ARHGDIA: variants seen among roughly 807,000 people sequenced by gnomAD.
ARHGDIA encodes the protein rho GDP-dissociation inhibitor 1.
ARHGDIA carries 9 observed loss-of-function variants against 25.0 expected under a neutral mutation model. The observed-to-expected ratio is 0.36, with a 90% CI of 0.22 to 0.63. ARHGDIA has a LOEUF of 0.63. Ranked by LOEUF, ARHGDIA falls within the 20% of genes least tolerant of loss-of-function variation. ARHGDIA has a pLI of 0.69. For missense variants in ARHGDIA, 239 were observed against 264.3 expected, an observed-to-expected ratio of 0.90 and a Z score of 0.66; for synonymous variants, 166 against 111.5, an observed-to-expected ratio of 1.49 and a Z score of -3.08.
intron 1 of ARHGDIA, chr17:81,870,948 C>T (rs1256320726): frequency 6.6e-6 from 1 of 151,164 alleles, no homozygotes; most frequent in African/African-American, 2.4e-5. Context: ...AAGGAGGGGC[C>T]CTCAGGTCTG....
At chr17:81,870,773 G>C (rs1269046566) in intron 1 of ARHGDIA, 1 of 152,070 alleles carries the variant, frequency 6.6e-6, no homozygotes, top group Non-Finnish European at 1.5e-5. Flanking sequence ...CGCCGCGCGA[G>C]GATAGCCGTA....
Position 81,869,410 on chromosome 17 carries a change from T to G in ARHGDIA, c.275-4A>C, listed in dbSNP as rs1350208898. 1 of 1,613,566 alleles carries G rather than the reference T, an allele frequency of 6.2e-7. No homozygotes were observed. Among genetic ancestry groups the G allele is most frequent in the African/African-American group, 1.3e-5 (1 of 74,850 alleles). The stretch of plus-strand genomic sequence containing the variant: ...TTCTTGAAGCTCTCCAGGTCGCCTG[T>G]TGGGGGGACCTCCCCCTCAATGACT... On this transcript the variant is annotated splice_polypyrimidine_tract_variant and splice_region_variant and intron_variant, in intron 3 of 5. Coordinates refer to ENST00000269321, the MANE Select transcript of ARHGDIA (RefSeq NM_004309.6).
rs768880419 is a variant in ARHGDIA, at chr17:81,869,350, G to A, written c.331C>T (p.Arg111Trp). The change falls in exon 4 of 6, where the codon CGG becomes TGG. Residue 111 changes from arginine (R) to tryptophan (W), a missense_variant. This residue lies in a region of ARHGDIA where 75 missense variants were observed against 122.4 expected (regional missense o/e 0.61). Transcript: ENST00000269321. ...CTTACCCGGAAAGAGATTTTTATCC[G>A]GTACTCCACACCCTCCTTCAGCACA... ...SFVLKEGVEY[R>W]IKISFRVNRE... is the part of the protein sequence containing the mutation. 1.9e-6 allele frequency: 3 copies of A among 1,613,944 alleles called. No individual in the cohort carries two copies. Among genetic ancestry groups the A allele is most frequent in the Admixed American group, 1.7e-5 (1 of 60,000 alleles).
Position 81,869,750 on chromosome 17 carries a change from C to G in ARHGDIA, c.181G>C (p.Val61Leu). 6.2e-7 allele frequency: 1 copy of G among 1,612,918 alleles called. No individual in the cohort carries two copies. The highest frequency in any genetic ancestry group is 8.5e-7 in the Non-Finnish European group (1 of 1,179,598). Reference protein sequence around the residue: ...YKEALLGRVAVSADPNVPNVV... With the variant: ...YKEALLGRVALSADPNVPNVV... ...CGCAGCCCAGACTCACCTGCGGAAA[C>G]GGCCACGCGGCCCAGCAGGGCCTCC... Residue 61 changes from valine to leucine, a missense_variant, in exon 2 of 6, where the codon GTT (valine) becomes CTT (leucine). This residue lies in a region of ARHGDIA where 135 missense variants were observed against 119.8 expected (regional missense o/e 1.13). Coordinates refer to ENST00000269321, the MANE Select transcript of ARHGDIA (RefSeq NM_004309.6).
At position 81,868,325 on chromosome 17, in the gene ARHGDIA, G is replaced by T. The variant is rs902913406; in HGVS notation, c.*551C>A. The T allele has an allele frequency of 1.2e-5, 17 of 1,420,360 alleles. No individual in the cohort carries two copies. The highest frequency in any genetic ancestry group is 1.5e-5 in the Non-Finnish European group (16 of 1,087,672). The allele number at this position is 1,420,360 out of a possible 1,614,324, so 88.0% of individuals were successfully genotyped here. ...GGCCACATGCTCATGCAGACACAGGGAGTTAGAGGCTAGTGAGGCCCCACG... is the reference window on the plus strand; with the variant it reads ...GGCCACATGCTCATGCAGACACAGGTAGTTAGAGGCTAGTGAGGCCCCACG... On this transcript the variant is annotated 3_prime_UTR_variant, in exon 6 of 6. Coordinates refer to ENST00000269321, the MANE Select transcript of ARHGDIA (RefSeq NM_004309.6).
rs765671689 is a variant in ARHGDIA at position 81,869,962 on chromosome 17, G to A, written c.-27-5C>T. 1 of 1,607,994 alleles carries A rather than the reference G, an allele frequency of 6.2e-7. No individual in the cohort carries two copies. The highest frequency in any genetic ancestry group is 1.1e-5 in the South Asian group (1 of 90,958). On this transcript the variant is annotated splice_region_variant and splice_polypyrimidine_tract_variant and intron_variant, in intron 1 of 5. Transcript: ENST00000269321. ...GCTTAGCCTGGGTCGGGACACCTGT[G>A]GGCGGGACGGTGACAGGCCTTGGAC...
At chr17:81,870,898 G>A (rs2039276883) in intron 1 of ARHGDIA, 1 of 151,516 alleles carries the variant, frequency 6.6e-6, no homozygotes, top group Non-Finnish European at 1.5e-5. Flanking sequence ...CCCCGAACGC[G>A]ATGGACCGCG....
Position 81,869,802 on chromosome 17 carries a change from C to T in ARHGDIA, c.129G>A (p.Lys43=). ...TGTACTTTCGCAGGCTCTCGTCGTC[C>T]TTGTCCAGCTCCTGGATCTCCTGGA... ...KSIQEIQELD[K]DDESLRKYKE... Residue 43 remains lysine, a synonymous_variant, in exon 2 of 6, where the codon AAG becomes AAA. Coordinates refer to ENST00000269321, the MANE Select transcript of ARHGDIA (RefSeq NM_004309.6). The T allele has an allele frequency of 6.2e-7, 1 of 1,614,128 alleles. No individual in the cohort carries two copies. Among genetic ancestry groups the T allele is most frequent in the South Asian group, 1.1e-5 (1 of 91,088 alleles).
Position 81,868,726 on chromosome 17 carries a change from C to G in ARHGDIA, c.*150G>C, listed in dbSNP as rs762490731. On this transcript the variant is annotated 3_prime_UTR_variant, in exon 6 of 6. Transcript: ENST00000269321. Reference sequence around the variant, plus strand: ...GCTGAGGAGGGGGGTCGGAGGCACTCGGTTGAGCCAGGCCAGGGAGGCGGA... The same window carrying G: ...GCTGAGGAGGGGGGTCGGAGGCACTGGGTTGAGCCAGGCCAGGGAGGCGGA... The G allele has an allele frequency of 5.0e-6, 7 of 1,391,750 alleles. No individual in the cohort carries two copies. The highest frequency in any genetic ancestry group is 2.2e-5 in the Admixed American group (1 of 44,752). The allele number at this position is 1,391,750 out of a possible 1,614,324, so 86.2% of individuals were successfully genotyped here.
rs1784206146 is a variant in ARHGDIA, at chr17:81,868,606, G to A, written c.*270C>T. On this transcript the variant is annotated 3_prime_UTR_variant, in exon 6 of 6. Coordinates refer to ENST00000269321, the MANE Select transcript of ARHGDIA (RefSeq NM_004309.6). ...GAACCTGGGGGGCACAGAAAGGGCA[G>A]CAGAGGCCTGGCTGCGGCCTCTCTC... The A allele has an allele frequency of 1.3e-6, 2 of 1,535,430 alleles. No individual in the cohort carries two copies. The highest frequency in any genetic ancestry group is 2.4e-5 in the East Asian group (1 of 40,908).
chr17:81,868,929 C>T lies in ARHGDIA; in HGVS notation c.562G>A (p.Asp188Asn). 2 of 1,613,686 alleles carry T rather than the reference C, an allele frequency of 1.2e-6. No homozygotes were observed. ...KSRFTDDDKTDHLSWEWNLTI... is the reference protein window; with the variant it reads ...KSRFTDDDKTNHLSWEWNLTI... ...AGATTCCACTCCCAGGACAGGTGGT[C>T]GGTCTTGTCGTCGTCTGTGAAGCGG... Residue 188 changes from aspartate (D) to asparagine (N), a missense_variant, in exon 6 of 6, where the codon GAC becomes AAC. Asp to Asn is a conservative substitution (Grantham distance 23). Around this residue, in one of 3 missense-constraint regions of ARHGDIA, gnomAD observed 29 missense variants for 22.0 expected, o/e 1.32. Transcript: ENST00000269321.
At position 81,868,198 on chromosome 17, in the gene ARHGDIA, G is replaced by A. The variant is rs774786158; in HGVS notation, c.*678C>T. The A allele has an allele frequency of 4.3e-6, 3 of 696,648 alleles. No individual in the cohort carries two copies. Among genetic ancestry groups the A allele is most frequent in the Non-Finnish European group, 2.2e-6 (1 of 447,786 alleles). 43.2% of individuals were successfully genotyped at this position (696,648 alleles called of 1,614,324 possible). A position where few individuals can be genotyped will look rare whatever the true frequency, so the allele number is the denominator to read the frequency against. On this transcript the variant is annotated 3_prime_UTR_variant, in exon 6 of 6. Transcript: ENST00000269321. ...AGCCATCTCCACAGCCCTGTCCAGG[G>A]AAGGGGGCAGGCTGGCCAGGCACTG... is the stretch of plus-strand genomic sequence containing the variant.
intron 3 of ARHGDIA, 49 bp from the exon 4 acceptor site, chr17:81,869,455 A>AGCCCCAGCCCTGCGCG (rs2039198345): frequency 6.2e-7 from 1 of 1,612,044 alleles, no homozygotes; most frequent in Non-Finnish European, 8.5e-7. Context: ...CCCTGCGCGA[A>AGCCCCAGCCCTGCGCG]GCCCCAGCCC....
chr17:81,868,844 CGTCA>C lies in ARHGDIA; in HGVS notation c.*28_*31del, dbSNP rs768213538. 99 of 1,613,016 alleles carry C rather than the reference CGTCA, an allele frequency of 6.1e-5. No individual in the cohort carries two copies. In the African/African-American group the frequency reaches 7.1e-4, roughly 12 times the overall value. On this transcript the variant is annotated 3_prime_UTR_variant, in exon 6 of 6. Transcript: ENST00000269321. Reference sequence around the variant, plus strand: ...CACATCCGCCTGTCCGTCGTCCGTCCGTCAGTCTGCCCTGCCCGCCTCTGGCTGG... The same window carrying C: ...CACATCCGCCTGTCCGTCGTCCGTCCGTCTGCCCTGCCCGCCTCTGGCTGG...
At position 81,868,668 on chromosome 17, in the gene ARHGDIA, G is replaced by A. The variant is rs774369485; in HGVS notation, c.*208C>T. 4 of 1,534,914 alleles carry A rather than the reference G, an allele frequency of 2.6e-6. No homozygotes were observed. The highest frequency in any genetic ancestry group is 1.4e-5 in the African/African-American group (1 of 73,140). On this transcript the variant is annotated 3_prime_UTR_variant, in exon 6 of 6. Coordinates refer to ENST00000269321, the MANE Select transcript of ARHGDIA (RefSeq NM_004309.6). ...AGGCAGAAGCAGCAACGAGACAGGA[G>A]ACCGAGGAGGCTGGGCCTGTGGGTG...
At chr17:81,869,517 A>AC (rs2143426382) in intron 3 of ARHGDIA, 25 bp downstream of exon 3, 1 of 1,603,174 alleles carries the variant, frequency 6.2e-7, no homozygotes, top group East Asian at 2.2e-5. Context: ...GGCCGCCCGG[A>AC]CCCCCGCGGC....
chr17:81,867,943 G>A lies in ARHGDIA; in HGVS notation c.*933C>T, dbSNP rs1392054010. 1 of 161,486 alleles carries A rather than the reference G, an allele frequency of 6.2e-6. No individual in the cohort carries two copies. 10.0% of individuals were successfully genotyped at this position (161,486 alleles called of 1,614,324 possible). The stretch of plus-strand genomic sequence containing the variant: ...GCCTGGGGGAACAGGCGCCAGGCCA[G>A]TGGCCCAGGGACGGCACGGACGGAG... On this transcript the variant is annotated 3_prime_UTR_variant, in exon 6 of 6. Transcript: ENST00000269321.
chr17:81,868,294 C>T lies in ARHGDIA; in HGVS notation c.*582G>A, dbSNP rs1345671418. The stretch of plus-strand genomic sequence containing the variant: ...ACTGGGTTCGCCACCGGGGAAGGGA[C>T]GGGGAGGCCACATGCTCATGCAGAC... On this transcript the variant is annotated 3_prime_UTR_variant, in exon 6 of 6. Transcript: ENST00000269321. The T allele has an allele frequency of 3.8e-5, 52 of 1,362,968 alleles. No individual in the cohort carries two copies. The highest frequency in any genetic ancestry group is 2.3e-4 in the East Asian group (9 of 38,464). The allele number at this position is 1,362,968 out of a possible 1,614,324, so 84.4% of individuals were successfully genotyped here.
rs972652234 is a variant in ARHGDIA, at chr17:81,871,304, G to A, written c.-34C>T. On this transcript the variant is annotated 5_prime_UTR_variant, in exon 1 of 6. Coordinates refer to ENST00000269321, the MANE Select transcript of ARHGDIA (RefSeq NM_004309.6). ...CCCCGCCACGGCCACTCACCGGAGG[G>A]TTCGGCCGCGCGGTTCAGGATCCCT... 1 of 151,856 alleles carries A rather than the reference G, an allele frequency of 6.6e-6. No individual in the cohort carries two copies. Among genetic ancestry groups the A allele is most frequent in the Non-Finnish European group, 1.5e-5 (1 of 67,642 alleles). The allele number at this position is 151,856 out of a possible 1,614,324, so 9.4% of individuals were successfully genotyped here. A position where few individuals can be genotyped will look rare whatever the true frequency, so the allele number is the denominator to read the frequency against.
Sources: gnomAD v4.1 joint callset for allele counts on GRCh38, gnomAD v4.1.1 for gene constraint, gnomAD v4.1.1 regional missense constraint, MANE v1.5 for transcripts, NCBI Gene and HGNC (gene_info 2026-07-23, HGNC 2026-07-21) for gene names.